Variants in SHROOM3 observed in about 807,000 individuals in gnomAD.
SHROOM3 encodes the protein protein Shroom3.
A neutral mutation model predicts 138.6 loss-of-function variants in SHROOM3; 47 were observed. The ratio of observed to expected loss-of-function variants is 0.34; its 90% CI spans 0.27 to 0.43. SHROOM3 has a LOEUF of 0.43. Among genes scored for constraint, SHROOM3 ranks in the 20% least tolerant of loss-of-function variants. The pLI is 1.00. For missense variants in SHROOM3, 2,491 were observed against 2,596.5 expected (o/e 0.96, Z 0.88); for synonymous variants, 1,062 against 1,063.3 (o/e 1.00, Z 0.02).
intron 2 of SHROOM3, among the ~76,000 whole-genome samples, chr4:76,593,653 T>G (rs1262444042): frequency 6.6e-6 from 1 of 152,224 alleles, no homozygotes; most frequent in Non-Finnish European, 1.5e-5. Context: ...GGTGAGAACT[T>G]GACTTCTAAG....
intron 2 of SHROOM3, among the ~76,000 whole-genome samples, chr4:76,696,209 A>G (rs952863988): frequency 6.6e-6 from 1 of 152,214 alleles, no homozygotes; most frequent in African/African-American, 2.4e-5. Flanking sequence ...TCAGTCTTTT[A>G]GTCTGACTCA....
chr4:76,487,749 T>G (rs947554238), intron 1 of SHROOM3, among the ~76,000 whole-genome samples: 13 of 152,316 alleles, frequency 8.5e-5, no homozygotes, highest in African/African-American at 2.6e-4. Flanking sequence ...ACAGACAGTA[T>G]TCACTAAGAA....
chr4:76,523,861 G>A (rs182417584), intron 1 of SHROOM3, among the ~76,000 whole-genome samples: 1,740 of 152,328 alleles, frequency 0.011, 13 homozygotes, highest in Non-Finnish European at 0.019. Context: ...GGAACAAGGG[G>A]CGTGTGTGTG....
intron 2 of SHROOM3, among the ~76,000 whole-genome samples, chr4:76,678,044 T>C (rs975845572): frequency 1.3e-5 from 2 of 152,162 alleles, no homozygotes; most frequent in African/African-American, 4.8e-5. Flanking sequence ...TAGAAGCACA[T>C]TGTCTGTAGG....
intron 1 of SHROOM3, among the ~76,000 whole-genome samples, chr4:76,447,592 G>A (rs1473719644): frequency 1.3e-5 from 2 of 152,056 alleles, no homozygotes; most frequent in Non-Finnish European, 2.9e-5. Context: ...GAATGAGAAG[G>A]CAGAAAATAG....
intron 3 of SHROOM3, among the ~76,000 whole-genome samples, chr4:76,728,944 GC>G (rs1343851568): frequency 6.6e-6 from 1 of 152,144 alleles, no homozygotes; most frequent in African/African-American, 2.4e-5. Context: ...AGCAGTTCCT[GC>G]CCATTCTTGT....
intron 1 of SHROOM3, among the ~76,000 whole-genome samples, chr4:76,552,481 T>C (rs2110027508): frequency 6.6e-6 from 1 of 151,246 alleles, no homozygotes; most frequent in East Asian, 1.9e-4. Context: ...CACTCCAGCC[T>C]GTGCACCAGA....
rs1417537676 is a variant in SHROOM3, at chr4:76,781,888, A to G, written c.*2711A>G. 1 of 152,232 alleles carries G rather than the reference A, an allele frequency of 6.6e-6. No individual in the cohort carries two copies. Among genetic ancestry groups the G allele is most frequent in the African/African-American group, 2.4e-5 (1 of 41,454 alleles). The allele number at this position is 152,232 out of a possible 1,614,324, so 9.4% of individuals were successfully genotyped here. ...AGGGTTTCAGAATACGCGTGATGTC[A>G]CTGAGAATGTTTGCTCACAGTCAAT... On this transcript the variant is annotated 3_prime_UTR_variant, in exon 11 of 11. Coordinates refer to ENST00000296043, the MANE Select transcript of SHROOM3 (RefSeq NM_020859.4).
At chr4:76,482,646 T>C (rs148124607) in intron 1 of SHROOM3, among the ~76,000 whole-genome samples, 7,357 of 152,018 alleles carry the variant, frequency 0.048, 208 homozygotes, top group Middle Eastern at 0.075. Context: ...CTAGAAAAAA[T>C]TACTTTAAAT....
chr4:76,528,448 A>G (rs1418109634), intron 1 of SHROOM3, among the ~76,000 whole-genome samples: 1 of 149,190 alleles, frequency 6.7e-6, no homozygotes, highest in African/African-American at 2.5e-5. Flanking sequence ...CTTCCTAAGT[A>G]GCTTGGGACT....
intron 1 of SHROOM3, among the ~76,000 whole-genome samples, chr4:76,450,560 C>A (rs1358158662): frequency 1.3e-5 from 2 of 152,178 alleles, no homozygotes; most frequent in Admixed American, 1.3e-4. Flanking sequence ...TAAGAAGGAA[C>A]TGAGTTACAA....
In SHROOM3 at chr4:76,746,962, G is replaced by A. The variant is rs531455304; in HGVS notation, c.3754-2055G>A. ...CTCCTGAGTAGCTCGGACTACAGGC[G>A]CCCGCCACCAGGCCCCGGTAATTTT... On this transcript the variant is annotated intron_variant, in intron 5 of 10. Coordinates refer to ENST00000296043, the MANE Select transcript of SHROOM3 (RefSeq NM_020859.4). Among the ~76,000 whole-genome samples the A allele has an allele frequency of 5.2e-4, 79 of 151,932 alleles. 1 individual carries two copies. The South Asian group carries it at 0.015, about 29-fold the overall frequency.
rs77555288 is a variant in SHROOM3, at chr4:76,515,844, T to C, written c.169-39765T>C. Among the ~76,000 whole-genome samples, 1,158 of 152,342 alleles carry C rather than the reference T, an allele frequency of 7.6e-3. 21 individuals carry two copies. The East Asian group carries it at 0.08, about 10-fold the overall frequency. ...TTTCTTCTAAGCTAGGACAGACTTA[T>C]CAGTCTCACTTGCCTGGTACTACTT... is the stretch of plus-strand genomic sequence containing the variant. On this transcript the variant is annotated intron_variant, in intron 1 of 10. Coordinates refer to ENST00000296043, the MANE Select transcript of SHROOM3 (RefSeq NM_020859.4).
rs563728370 is a variant in SHROOM3 at position 76,755,016 on chromosome 4, G to A, written c.4533G>A (p.Arg1511=). The A allele has an allele frequency of 6.6e-5, 106 of 1,609,430 alleles. No homozygotes were observed. In the South Asian group the frequency reaches 1.1e-3, roughly 17 times the overall value. ...HEDYEDEVFV[R]DPHPKATSSP... The stretch of plus-strand genomic sequence containing the variant: ...ATTATGAAGACGAAGTGTTTGTGAG[G>A]GATCCGCACCCCAAGGCCACGTCCA... Residue 1511 remains arginine (R), a synonymous_variant, in exon 7 of 11, where the codon AGG becomes AGA. Transcript: ENST00000296043.
chr4:76,631,590 G>C (rs1183812364), intron 2 of SHROOM3, among the ~76,000 whole-genome samples: 3 of 152,110 alleles, frequency 2.0e-5, no homozygotes. Flanking sequence ...TCCAGGCAGA[G>C]AGAAAAATCC....
At chr4:76,757,869 G>A (rs986598923) in intron 8 of SHROOM3, among the ~76,000 whole-genome samples, 2 of 152,080 alleles carry the variant, frequency 1.3e-5, no homozygotes, top group Non-Finnish European at 2.9e-5. Context: ...AAATCTTTGT[G>A]GATTGACAGT....
At chr4:76,527,261 G>T (rs1022659514) in intron 1 of SHROOM3, among the ~76,000 whole-genome samples, 2 of 152,044 alleles carry the variant, frequency 1.3e-5, no homozygotes, top group Non-Finnish European at 2.9e-5. Flanking sequence ...TTTATTTATT[G>T]GTTCTTCCTC....
At chr4:76,456,879 T>C (rs1391963171) in intron 1 of SHROOM3, among the ~76,000 whole-genome samples, 1 of 152,132 alleles carries the variant, frequency 6.6e-6, no homozygotes, top group African/African-American at 2.4e-5. Context: ...AAGAGCAGTG[T>C]TTTGCAGGCA....
intron 1 of SHROOM3, among the ~76,000 whole-genome samples, chr4:76,520,535 G>T (rs12710873): frequency 3.9e-5 from 6 of 152,016 alleles, no homozygotes; most frequent in African/African-American, 1.4e-4. Context: ...TCAGAGAGGC[G>T]CAGAGAGATT....
Sources: allele counts gnomAD v4.1 joint callset (sites outside exome capture counted in the v4.1 genomes callset), GRCh38; gene constraint gnomAD v4.1.1; transcripts MANE v1.5; gene names NCBI Gene and HGNC (gene_info 2026-07-23, HGNC 2026-07-21).